The following PARK7 variants were observed in gnomAD, a reference collection of about 807,000 sequenced individuals.
PARK7 encodes Parkinson disease protein 7.
A neutral mutation model predicts 20.5 loss-of-function variants in PARK7; 14 were observed. The observed-to-expected ratio is 0.68, with a 90% CI of 0.45 to 1.07. The LOEUF (loss-of-function observed/expected upper bound fraction) is 1.07. Ranked by LOEUF, PARK7 falls within the 50% of genes least tolerant of loss-of-function variation. The pLI, the probability that PARK7 is intolerant of heterozygous loss-of-function variation, is 0.00. For synonymous variants in PARK7, 98 were observed against 84.3 expected, an observed-to-expected ratio of 1.16 and a Z score of -0.89; for missense variants, 234 against 238.1, an observed-to-expected ratio of 0.98 and a Z score of 0.11.
intron 6 of PARK7, among the ~76,000 whole-genome samples, chr1:7,981,655 C>CTT (rs1458652247): frequency 8.4e-5 from 11 of 131,002 alleles, no homozygotes; most frequent in Admixed American, 1.6e-4. Context: ...TGTCCTGTGT[C>CTT]TTTTGTTTTT....
At chr1:7,974,921 T>C (rs1640546265) in intron 5 of PARK7, among the ~76,000 whole-genome samples, 1 of 149,944 alleles carries the variant, frequency 6.7e-6, no homozygotes, top group Admixed American at 6.7e-5. Flanking sequence ...AGTGGTGCAA[T>C]TTCGGCTCAC....
intron 5 of PARK7, among the ~76,000 whole-genome samples, chr1:7,972,487 C>T (rs1230308254): frequency 6.6e-6 from 1 of 151,980 alleles, no homozygotes; most frequent in East Asian, 1.9e-4. Context: ...CGCCTTTTTT[C>T]TTCTCAGTCT....
rs1474274930 is a variant in PARK7, at chr1:7,970,894, TCTG to T, written c.260_262del (p.Ala87del). 1 of 1,614,186 alleles carries T rather than the reference TCTG, an allele frequency of 6.2e-7. No homozygotes were observed. The highest frequency in any genetic ancestry group is 8.5e-7 in the Non-Finnish European group (1 of 1,180,022). On this transcript the variant is annotated inframe_deletion and splice_region_variant, in exon 5 of 7. Transcript: ENST00000338639. ...GTATTTTTGGTTTTCTTTTCACTAG[TCTG>T]CTGCTGTGAAGGAGATACTGAAGGA...
intron 5 of PARK7, among the ~76,000 whole-genome samples, chr1:7,972,541 TTTA>T (rs1640487366): frequency 6.6e-6 from 1 of 152,190 alleles, no homozygotes; most frequent in Non-Finnish European, 1.5e-5. Flanking sequence ...CATCTGAGAA[TTTA>T]TTATTGTGTT....
chr1:7,962,622 T>G (rs2151427059), intron 1 of PARK7, 141 bp from the exon 2 acceptor site: 1 of 614,386 alleles, frequency 1.6e-6, no homozygotes, highest in Non-Finnish European at 2.9e-6. Flanking sequence ...CTGCTGCTTT[T>G]TTCGTATTCA....
In PARK7 at chr1:7,976,427, A is replaced by T. The variant is rs1256121003; in HGVS notation, c.323-1225A>T. On this transcript the variant is annotated intron_variant, in intron 5 of 6. Coordinates refer to ENST00000338639, the MANE Select transcript of PARK7 (RefSeq NM_007262.5). The stretch of plus-strand genomic sequence containing the variant: ...TAATCCTTATTTAGGACCATTACAT[A>T]CGCAATATGCTTGTGACCCTCCCTG... Among the ~76,000 whole-genome samples the T allele has an allele frequency of 3.9e-5, 6 of 152,358 alleles. No individual in the cohort carries two copies. In the South Asian group the frequency reaches 1.0e-3, roughly 26 times the overall value.
intron 6 of PARK7, among the ~76,000 whole-genome samples, chr1:7,981,538 C>T (rs140503930): frequency 6.6e-6 from 1 of 152,326 alleles, no homozygotes; most frequent in East Asian, 1.9e-4. Flanking sequence ...TCCACAATAG[C>T]TACAGACAGT....
In PARK7 at chr1:7,962,753, T is replaced by G. The variant is rs1640235410; in HGVS notation, c.-23-10T>G. 4 of 1,491,022 alleles carry G rather than the reference T, an allele frequency of 2.7e-6. No homozygotes were observed. Among genetic ancestry groups the G allele is most frequent in the Non-Finnish European group, 3.6e-6 (4 of 1,101,750 alleles). The allele number at this position is 1,491,022 out of a possible 1,614,324, so 92.4% of individuals were successfully genotyped here. A position where few individuals can be genotyped will look rare whatever the true frequency, so the allele number is the denominator to read the frequency against. On this transcript the variant is annotated splice_polypyrimidine_tract_variant and intron_variant, in intron 1 of 6. Transcript: ENST00000338639. ...GTTTTTTGAAATCTTTTTTTTTTTTTTTTTTTAAGGCTTGTAAACATATAA... is the reference window on the plus strand; with the variant it reads ...GTTTTTTGAAATCTTTTTTTTTTTTGTTTTTTAAGGCTTGTAAACATATAA...
intron 6 of PARK7, among the ~76,000 whole-genome samples, chr1:7,978,641 G>A (rs1640639933): frequency 6.7e-6 from 1 of 148,462 alleles, no homozygotes; most frequent in South Asian, 2.1e-4. Context: ...CCCCGAGTTC[G>A]AGACCAGCCT....
chr1:7,963,222 C>G (rs1395115176), intron 2 of PARK7, among the ~76,000 whole-genome samples: 2 of 152,068 alleles, frequency 1.3e-5, no homozygotes, highest in Non-Finnish European at 2.9e-5. Context: ...TGCCACCACA[C>G]CTGGCTAATT....
chr1:7,969,245 A>G (rs879063416), intron 3 of PARK7, 100 bp from the exon 4 acceptor site: 3 of 936,522 alleles, frequency 3.2e-6, no homozygotes, highest in Non-Finnish European at 5.0e-6. Flanking sequence ...TATCTCCTGT[A>G]CTTCCCACAT....
intron 1 of PARK7, chr1:7,962,066 C>G (rs1478568350): frequency 6.6e-6 from 1 of 152,340 alleles, no homozygotes; most frequent in Non-Finnish European, 1.5e-5. Flanking sequence ...TTATTAAACT[C>G]TGTTTTGCGT....
At chr1:7,979,000 T>C (rs1227209842) in intron 6 of PARK7, among the ~76,000 whole-genome samples, 1 of 152,188 alleles carries the variant, frequency 6.6e-6, no homozygotes, top group Non-Finnish European at 1.5e-5. Context: ...ATGTTATCTT[T>C]TAACAGCACA....
At chr1:7,980,668 A>G (rs1455582966) in intron 6 of PARK7, among the ~76,000 whole-genome samples, 1 of 152,050 alleles carries the variant, frequency 6.6e-6, no homozygotes, top group Non-Finnish European at 1.5e-5. Context: ...CAGGTGTTGG[A>G]TTTAGTCAGT....
At chr1:7,978,393 T>G (rs1247124508) in intron 6 of PARK7, among the ~76,000 whole-genome samples, 1 of 7,664 alleles carries the variant, frequency 1.3e-4, no homozygotes, top group Non-Finnish European at 2.2e-4. Flanking sequence ...CTGTGTGTGG[T>G]TTTTTTTTTT....
chr1:7,971,693 G>A (rs1640468968), intron 5 of PARK7: 1 of 152,510 alleles, frequency 6.6e-6, no homozygotes, highest in African/African-American at 2.4e-5. Context: ...AGCACTTTGG[G>A]AGGCTGAGGC....
chr1:7,964,941 C>A (rs1224910320), intron 2 of PARK7, among the ~76,000 whole-genome samples: 1 of 152,178 alleles, frequency 6.6e-6, no homozygotes, highest in Non-Finnish European at 1.5e-5. Context: ...TACAGGGCAG[C>A]AGCTATAAGT....
intron 1 of PARK7, 86 bp from the exon 2 acceptor site, chr1:7,962,677 G>T: frequency 1.2e-6 from 1 of 823,338 alleles, no homozygotes; most frequent in Non-Finnish European, 1.9e-6. Flanking sequence ...TACTCTGCTT[G>T]AAAATGCTCC....
chr1:7,979,498 GTTTA>G (rs1640666271), intron 6 of PARK7, among the ~76,000 whole-genome samples: 2 of 152,082 alleles, frequency 1.3e-5, no homozygotes, highest in South Asian at 4.2e-4. Flanking sequence ...TCCATGGTTT[GTTTA>G]TTTATTTAAT....
Sources: allele counts gnomAD v4.1 joint callset (sites outside exome capture counted in the v4.1 genomes callset), GRCh38; gene constraint gnomAD v4.1.1; transcripts MANE v1.5; gene names NCBI Gene and HGNC (gene_info 2026-07-23, HGNC 2026-07-21).